NRG1: variants seen among roughly 807,000 people sequenced by gnomAD.
NRG1 encodes the protein neuregulin 1.
Under a neutral mutation model 63.8 loss-of-function variants are expected in NRG1, and 18 were observed. The ratio of observed to expected loss-of-function variants is 0.28; its 90% CI spans 0.19 to 0.42. The LOEUF (loss-of-function observed/expected upper bound fraction) is 0.42. Ranked by LOEUF, NRG1 falls within the 10% of genes least tolerant of loss-of-function variation. NRG1 has a pLI of 1.00. For synonymous variants in NRG1, 302 were observed against 301.3 expected (o/e 1.00, Z -0.02); for missense variants, 762 against 814.7 (o/e 0.94, Z 0.79).
In NRG1 at chr8:32,265,573, T is replaced by C. The variant is rs183492896; in HGVS notation, c.38-330255T>C. On this transcript the variant is annotated intron_variant, in intron 1 of 10. Coordinates refer to the NRG1 transcript ENST00000519301. Reference sequence around the variant, plus strand: ...ACTAATGTAGGCTGGGTGGGTGCAATAGCTCACACCTATAATCCTTGCAAT... The same window carrying C: ...ACTAATGTAGGCTGGGTGGGTGCAACAGCTCACACCTATAATCCTTGCAAT... 3.9e-5 allele frequency among the ~76,000 whole-genome samples: 6 copies of C among 152,238 alleles called. No homozygotes were observed. In the East Asian group the frequency reaches 9.7e-4, roughly 25 times the overall value.
chr8:32,233,563 A>ATATTT (rs34593729), intron 1 of NRG1, among the ~76,000 whole-genome samples: 68 of 67,248 alleles, frequency 1.0e-3, no homozygotes, highest in South Asian at 4.2e-3. Context: ...ATATATATAT[A>ATATTT]TTTTTTTTTT....
chr8:32,409,847 G>A (rs1476308799), intron 1 of NRG1, among the ~76,000 whole-genome samples: 2 of 152,176 alleles, frequency 1.3e-5, no homozygotes, highest in Non-Finnish European at 2.9e-5. Flanking sequence ...GGTAATGAGA[G>A]CAAATTGGAA....
At chr8:32,375,541 G>A (rs2347504) in intron 1 of NRG1, among the ~76,000 whole-genome samples, 44,015 of 151,952 alleles carry the variant, frequency 0.29, 6,624 homozygotes, top group South Asian at 0.34. Context: ...TTAGCCCAGA[G>A]TTAGAAAGGA....
chr8:32,647,131 T>C (rs529518051), intron 5 of NRG1: 1 of 985,340 alleles, frequency 1.0e-6, no homozygotes, highest in East Asian at 1.1e-4. Context: ...GCAGTGATGC[T>C]CCGAGGGCAG....
In NRG1 at chr8:32,759,338, G is replaced by T. The variant is rs536928432; in HGVS notation, c.954G>T (p.Glu318Asp). 1.5e-5 allele frequency: 25 copies of T among 1,613,878 alleles called. No homozygotes were observed. In the South Asian group the frequency reaches 2.6e-4, roughly 17 times the overall value. ...TATCTAAAAACGTCATCTCCAGTGA[G>T]CATATTGTTGAGAGAGAAGCAGAGA... Residue 318 changes from glutamate (E) to aspartate (D), a missense_variant, in exon 10 of 12, where the codon GAG (glutamate) becomes GAT (aspartate). By Grantham distance (45) the Glu-to-Asp change is conservative. Coordinates refer to ENST00000356819, the Ensembl canonical transcript of NRG1.
chr8:32,320,556 A>G (rs1320573552), intron 1 of NRG1, among the ~76,000 whole-genome samples: 1 of 152,142 alleles, frequency 6.6e-6, no homozygotes, highest in Non-Finnish European at 1.5e-5. Context: ...AGAGGAAGAG[A>G]GCAATAGGGG....
intron 1 of NRG1, among the ~76,000 whole-genome samples, chr8:32,310,658 G>GAA (rs1430173375): frequency 6.6e-6 from 1 of 152,162 alleles, no homozygotes; most frequent in African/African-American, 2.4e-5. Flanking sequence ...AAGGAACAAA[G>GAA]AAAAGAGAAT....
At chr8:32,568,849 C>A (rs1349813719) in intron 1 of NRG1, among the ~76,000 whole-genome samples, 3 of 152,068 alleles carry the variant, frequency 2.0e-5, no homozygotes, top group Admixed American at 6.5e-5. Context: ...CAAATTTTTA[C>A]TTGCAGGCAA....
intron 1 of NRG1, among the ~76,000 whole-genome samples, chr8:31,833,177 GAGA>G (rs370178357): frequency 4.6e-5 from 7 of 152,192 alleles, no homozygotes; most frequent in African/African-American, 1.4e-4. Flanking sequence ...GGGGCAAAAG[GAGA>G]AGGAGGATAG....
chr8:32,741,577 G>A (rs889470747), intron 6 of NRG1, among the ~76,000 whole-genome samples: 5 of 152,068 alleles, frequency 3.3e-5, no homozygotes, highest in African/African-American at 9.7e-5. Flanking sequence ...ATACACAATT[G>A]AAATAAGTAT....
intron 1 of NRG1, among the ~76,000 whole-genome samples, chr8:32,222,825 G>T (rs1563924282): frequency 6.6e-6 from 1 of 152,172 alleles, no homozygotes; most frequent in African/African-American, 2.4e-5. Flanking sequence ...GATCAAAATG[G>T]CTGGAGAAAG....
rs541981444 is a variant in NRG1, at chr8:32,725,094, ACTG to A, written c.503-2852_503-2850del. Among the ~76,000 whole-genome samples the A allele has an allele frequency of 2.4e-4, 37 of 152,178 alleles. No homozygotes were observed. The South Asian group carries it at 7.5e-3, about 31-fold the overall frequency. Reference sequence around the variant, plus strand: ...GATGTGTCTATGTGTTGCTTATGTCACTGCTTTTTTTTATTGTTTACATTTTAT... The same window carrying A: ...GATGTGTCTATGTGTTGCTTATGTCACTTTTTTTTATTGTTTACATTTTAT... On this transcript the variant is annotated intron_variant, in intron 5 of 11. Coordinates refer to ENST00000356819, the Ensembl canonical transcript of NRG1.
At chr8:31,889,085 C>G (rs73671965) in intron 1 of NRG1, among the ~76,000 whole-genome samples, 2,430 of 152,150 alleles carry the variant, frequency 0.016, 64 homozygotes, top group African/African-American at 0.054. Context: ...TGAATATCTA[C>G]CTTCACTTTA....
At chr8:32,770,918 A>T (rs942116843), downstream of NRG1, among the ~76,000 whole-genome samples, 2 of 152,150 alleles carry the variant, frequency 1.3e-5, no homozygotes, top group African/African-American at 4.8e-5. Context: ...AAGTTTTGGA[A>T]TCTAGGTTTC....
chr8:32,468,722 GTTT>G (rs151112582), intron 1 of NRG1, among the ~76,000 whole-genome samples: 78,801 of 143,780 alleles, frequency 0.55, 21,420 homozygotes, highest in Non-Finnish European at 0.58. Flanking sequence ...TAACATTACA[GTTT>G]TTTTTTTTTT....
At chr8:32,341,536 G>A (rs1804075921) in intron 1 of NRG1, among the ~76,000 whole-genome samples, 3 of 152,338 alleles carry the variant, frequency 2.0e-5, no homozygotes, top group Admixed American at 2.0e-4. Flanking sequence ...CCTGTGGGCA[G>A]TGAGGCCCAG....
Position 32,374,469 on chromosome 8 carries a change from T to G in NRG1, c.38-221359T>G, listed in dbSNP as rs552211417. Among the ~76,000 whole-genome samples, 154 of 152,342 alleles carry G rather than the reference T, an allele frequency of 1.0e-3. 1 individual carries two copies. The highest frequency in any genetic ancestry group is 3.5e-3 in the African/African-American group (147 of 41,586). On this transcript the variant is annotated intron_variant, in intron 1 of 10. Transcript: ENST00000519301. ...CGGAGGCATCATCCTCCTTCTCTGC[T>G]GCCTATCTGTGTCGCACTCACTCTT...
chr8:31,750,973 G>A (rs1338484810), intron 1 of NRG1, among the ~76,000 whole-genome samples: 2 of 151,908 alleles, frequency 1.3e-5, no homozygotes, highest in African/African-American at 4.8e-5. Flanking sequence ...TTCAGAAGTG[G>A]AATTCATTGA....
chr8:32,655,557 C>G (rs1589015382), intron 5 of NRG1, among the ~76,000 whole-genome samples: 1 of 152,100 alleles, frequency 6.6e-6, no homozygotes, highest in East Asian at 1.9e-4. Flanking sequence ...GCTAACATTT[C>G]TAGAAATAAA....
Sources: allele counts gnomAD v4.1 joint callset (sites outside exome capture counted in the v4.1 genomes callset), GRCh38; gene constraint gnomAD v4.1.1; transcripts MANE v1.5; gene names NCBI Gene and HGNC (gene_info 2026-07-23, HGNC 2026-07-21).